The following GNB4 variants were observed in gnomAD, a reference collection of about 807,000 sequenced individuals.
The protein encoded by GNB4 is G protein subunit beta 4.
A neutral mutation model predicts 45.2 loss-of-function variants in GNB4; 28 were observed. The observed-to-expected ratio is 0.62, with a 90% CI of 0.46 to 0.85. The LOEUF is 0.85. Among genes scored for constraint, GNB4 ranks in the 40% least tolerant of loss-of-function variants. The pLI is 0.00. For missense variants in GNB4, 321 were observed against 425.4 expected, an observed-to-expected ratio of 0.75 and a Z score of 2.16; for synonymous variants, 132 against 143.7, an observed-to-expected ratio of 0.92 and a Z score of 0.58.
intron 2 of GNB4, among the ~76,000 whole-genome samples, chr3:179,421,343 T>C (rs1714974812): frequency 6.6e-6 from 1 of 152,124 alleles, no homozygotes. Context: ...TGAAAAGGAT[T>C]ATCAAAAGGA....
the GNB4 span, among the ~76,000 whole-genome samples, chr3:179,457,388 T>A: frequency 6.6e-6 from 1 of 152,214 alleles, no homozygotes; most frequent in African/African-American, 2.4e-5. Flanking sequence ...CCCCTTTGTA[T>A]AATTATGCTC....
At chr3:179,494,744 C>A in the GNB4 span, among the ~76,000 whole-genome samples, 1 of 151,720 alleles carries the variant, frequency 6.6e-6, no homozygotes, top group Non-Finnish European at 1.5e-5. Context: ...CCCGTCTCTA[C>A]TAAAAATACA....
chr3:179,482,975 T>C, the GNB4 span, among the ~76,000 whole-genome samples: 1 of 152,200 alleles, frequency 6.6e-6, no homozygotes, highest in East Asian at 1.9e-4. Flanking sequence ...AAGCCTTTCT[T>C]CTAGCAATAA....
the GNB4 span, among the ~76,000 whole-genome samples, chr3:179,484,962 C>T: frequency 6.9e-6 from 1 of 144,826 alleles, no homozygotes; most frequent in Admixed American, 6.9e-5. Context: ...AGAAATGATT[C>T]GGTATTTGCT....
chr3:179,457,773 G>A, the GNB4 span, among the ~76,000 whole-genome samples: 2 of 152,170 alleles, frequency 1.3e-5, no homozygotes, highest in African/African-American at 2.4e-5. Flanking sequence ...TAGTCAACGT[G>A]GGGTGGAAGT....
chr3:179,503,552 C>G, the GNB4 span, among the ~76,000 whole-genome samples: 1 of 152,188 alleles, frequency 6.6e-6, no homozygotes, highest in African/African-American at 2.4e-5. Flanking sequence ...ACAAAGACAG[C>G]CTCTGTCATA....
chr3:179,428,735 C>A (rs1715219113), intron 1 of GNB4, among the ~76,000 whole-genome samples: 1 of 152,110 alleles, frequency 6.6e-6, no homozygotes, highest in Admixed American at 6.5e-5. Context: ...CCTGCCAAAG[C>A]ACTAGGACCA....
At chr3:179,496,446 ACAGT>A in the GNB4 span, among the ~76,000 whole-genome samples, 2 of 152,206 alleles carry the variant, frequency 1.3e-5, no homozygotes, top group South Asian at 2.1e-4. Context: ...TAACTACAAG[ACAGT>A]CAGAAGACAA....
chr3:179,488,190 C>A, the GNB4 span, among the ~76,000 whole-genome samples: 1 of 152,164 alleles, frequency 6.6e-6, no homozygotes, highest in Non-Finnish European at 1.5e-5. Flanking sequence ...GACTACCGAC[C>A]ATGGACTGGT....
At chr3:179,458,227 G>T in the GNB4 span, among the ~76,000 whole-genome samples, 2 of 152,142 alleles carry the variant, frequency 1.3e-5, no homozygotes, top group Non-Finnish European at 2.9e-5. Flanking sequence ...ATGTGATGTG[G>T]GGAGGGGCAG....
At chr3:179,444,306 A>C (rs1715665471) in intron 1 of GNB4, among the ~76,000 whole-genome samples, 1 of 152,202 alleles carries the variant, frequency 6.6e-6, no homozygotes, top group Non-Finnish European at 1.5e-5. Flanking sequence ...CATAAATTTT[A>C]ATTCCCATAG....
intron 4 of GNB4, among the ~76,000 whole-genome samples, chr3:179,418,470 CA>C (rs386356535): frequency 0.42 from 39,796 of 95,032 alleles, 5,487 homozygotes; most frequent in East Asian, 0.53. Flanking sequence ...AACTCTGTCT[CA>C]AAAAAAAAAA....
At chr3:179,430,898 C>CA (rs1348174358) in intron 1 of GNB4, among the ~76,000 whole-genome samples, 1 of 152,132 alleles carries the variant, frequency 6.6e-6, no homozygotes, top group Non-Finnish European at 1.5e-5. Flanking sequence ...CCCTAATATT[C>CA]ATCATAGCTT....
rs1252790676 is a variant in GNB4 at position 179,419,466 on chromosome 3, G to T, written c.136C>A (p.Arg46=). Residue 46 remains arginine (R), a synonymous_variant, in exon 4 of 10, where the codon CGA becomes AGA. Coordinates refer to ENST00000232564, the MANE Select transcript of GNB4 (RefSeq NM_021629.4). ...TGGCCCCTCAGTGTACGTCTTGTTC[G>T]CATTTGTATTCGACCCACAGAGTCC... ...NMDSVGRIQM[R]TRRTLRGHLA... is the part of the protein sequence containing the mutation. 2 of 1,612,500 alleles carry T rather than the reference G, an allele frequency of 1.2e-6. No homozygotes were observed. The highest frequency in any genetic ancestry group is 2.7e-5 in the African/African-American group (2 of 74,850).
chr3:179,400,943 T>A lies in GNB4; in HGVS notation c.*270A>T, dbSNP rs1374669692. 1 of 307,002 alleles carries A rather than the reference T, an allele frequency of 3.3e-6. No homozygotes were observed. Among genetic ancestry groups the A allele is most frequent in the Admixed American group, 4.9e-5 (1 of 20,604 alleles). 19.0% of individuals were successfully genotyped at this position (307,002 alleles called of 1,614,324 possible). ...TACATTCTGTTCTACACAAAGAAAA[T>A]ACACTCTGAGTACACACAACAATTC... On this transcript the variant is annotated 3_prime_UTR_variant, in exon 10 of 10. Coordinates refer to ENST00000232564, the MANE Select transcript of GNB4 (RefSeq NM_021629.4).
At chr3:179,424,345 C>T (rs1002046677) in intron 2 of GNB4, among the ~76,000 whole-genome samples, 3 of 152,200 alleles carry the variant, frequency 2.0e-5, no homozygotes, top group African/African-American at 7.2e-5. Flanking sequence ...GCAGTAACAT[C>T]GAATTCAGAG....
chr3:179,421,462 T>C (rs527713805), intron 2 of GNB4, among the ~76,000 whole-genome samples: 38 of 152,288 alleles, frequency 2.5e-4, no homozygotes, highest in African/African-American at 9.1e-4. Flanking sequence ...AGTTAACAAA[T>C]TTAGAGGATT....
chr3:179,500,057 C>A, the GNB4 span, among the ~76,000 whole-genome samples: 1 of 152,180 alleles, frequency 6.6e-6, no homozygotes, highest in Non-Finnish European at 1.5e-5. Flanking sequence ...TTGATAGTTT[C>A]TTTTGCTGTG....
chr3:179,471,804 G>A, the GNB4 span, among the ~76,000 whole-genome samples: 1 of 152,146 alleles, frequency 6.6e-6, no homozygotes, highest in Non-Finnish European at 1.5e-5. Flanking sequence ...GAGGCAAAAT[G>A]GAGAGAACTT....
Sources: allele counts gnomAD v4.1 joint callset (sites outside exome capture counted in the v4.1 genomes callset), GRCh38; gene constraint gnomAD v4.1.1; transcripts MANE v1.5; gene names NCBI Gene and HGNC (gene_info 2026-07-23, HGNC 2026-07-21).